Variants in CACNA2D1 observed in about 807,000 individuals in gnomAD.
CACNA2D1 encodes the protein voltage-dependent calcium channel subunit alpha-2/delta-1.
CACNA2D1 carries 53 observed loss-of-function variants against 171.5 expected under a neutral mutation model. The ratio of observed to expected loss-of-function variants is 0.31; its 90% confidence interval spans 0.25 to 0.39. CACNA2D1 has a LOEUF of 0.39. Ranked by LOEUF, CACNA2D1 falls within the 10% of genes least tolerant of loss-of-function variation. The pLI is 1.00. For synonymous variants in CACNA2D1, 442 were observed against 443.1 expected, an observed-to-expected ratio of 1.00 and a Z score of 0.03; for missense variants, 903 against 1,299.8, an observed-to-expected ratio of 0.69 and a Z score of 4.69.
At chr7:82,288,844 G>A (rs1166778202) in intron 3 of CACNA2D1, among the ~76,000 whole-genome samples, 4 of 152,162 alleles carry the variant, frequency 2.6e-5, no homozygotes, top group African/African-American at 9.7e-5. Context: ...GGAGTTCAGA[G>A]GAAACCTGCA....
At chr7:82,135,289 G>T (rs1467533730) in intron 5 of CACNA2D1, among the ~76,000 whole-genome samples, 1 of 151,960 alleles carries the variant, frequency 6.6e-6, no homozygotes, top group Non-Finnish European at 1.5e-5. Context: ...AAAATATCAA[G>T]TGCTAATTAT....
chr7:82,149,112 G>C (rs903106756), intron 4 of CACNA2D1, among the ~76,000 whole-genome samples: 1 of 152,094 alleles, frequency 6.6e-6, no homozygotes, highest in Non-Finnish European at 1.5e-5. Context: ...AGCATAGTGT[G>C]ATCACCTGCC....
intron 3 of CACNA2D1, among the ~76,000 whole-genome samples, chr7:82,192,172 A>G (rs1798363987): frequency 6.6e-6 from 1 of 151,734 alleles, no homozygotes; most frequent in Non-Finnish European, 1.5e-5. Context: ...TGAAAAAAAA[A>G]ACCTAAATAG....
rs568107538 is a variant in CACNA2D1 at position 81,964,174 on chromosome 7, T to G, written c.2727+33A>C. The stretch of plus-strand genomic sequence containing the variant: ...GATACTGAGGACACTTGAGTACCCC[T>G]TGAGAATTGATTAGACCGTGGATAT... On this transcript the variant is annotated intron_variant, in intron 33 of 38. Coordinates refer to ENST00000356860, the MANE Select transcript of CACNA2D1 (RefSeq NM_000722.4). 4 of 1,612,198 alleles carry G rather than the reference T, an allele frequency of 2.5e-6. No homozygotes were observed. The African/African-American group carries it at 4.0e-5, about 16-fold the overall frequency.
chr7:82,410,398 T>C (rs1038154652), intron 1 of CACNA2D1: 2 of 396,012 alleles, frequency 5.1e-6, no homozygotes, highest in Non-Finnish European at 6.9e-6. Context: ...TATTAAATAT[T>C]GTTTATCACT....
rs570264349 is a variant in CACNA2D1, at chr7:82,443,594, C to A, written c.-135G>T. ...TGGAGGGCTGGCTGCGCCCGGGGCC[C>A]GAGGCGCGGAGCCGCGCGGGGGACG... On this transcript the variant is annotated 5_prime_UTR_variant, in exon 1 of 39. Coordinates refer to ENST00000356860, the MANE Select transcript of CACNA2D1 (RefSeq NM_000722.4). 10 of 1,414,968 alleles carry A rather than the reference C, an allele frequency of 7.1e-6. No individual in the cohort carries two copies. Among genetic ancestry groups the A allele is most frequent in the Admixed American group, 6.1e-5 (2 of 32,600 alleles). The allele number at this position is 1,414,968 out of a possible 1,614,324, so 87.7% of individuals were successfully genotyped here.
At chr7:82,410,626 G>C (rs1405470805) in intron 1 of CACNA2D1, 4 of 530,578 alleles carry the variant, frequency 7.5e-6, no homozygotes, top group Non-Finnish European at 9.6e-6. Flanking sequence ...AAGAGAGAAG[G>C]CGAGTCTGAC....
intron 7 of CACNA2D1, among the ~76,000 whole-genome samples, chr7:82,067,998 T>C (rs1325446161): frequency 6.6e-6 from 1 of 152,130 alleles, no homozygotes; most frequent in Non-Finnish European, 1.5e-5. Flanking sequence ...ATGGCACAAT[T>C]TCAAGGTTTG....
At chr7:81,957,891 G>C (rs180740438) in intron 38 of CACNA2D1, among the ~76,000 whole-genome samples, 1 of 152,142 alleles carries the variant, frequency 6.6e-6, no homozygotes, top group East Asian at 1.9e-4. Flanking sequence ...AGGCTTTTAA[G>C]TCACTTTTCA....
chr7:81,967,467 A>C, intron 30 of CACNA2D1, 129 bp downstream of exon 30: 1 of 650,816 alleles, frequency 1.5e-6, no homozygotes, highest in South Asian at 1.9e-5. Flanking sequence ...AAAAAATAGG[A>C]ATTCAGAATT....
At position 82,060,337 on chromosome 7, in the gene CACNA2D1, C is replaced by T. The variant is rs573351539; in HGVS notation, c.879+91G>A. 2.2e-3 allele frequency: 1,836 copies of T among 820,920 alleles called. 27 individuals are homozygous for T. The African/African-American group carries it at 0.027, about 12-fold the overall frequency. 50.9% of individuals were successfully genotyped at this position (820,920 alleles called of 1,614,324 possible). On this transcript the variant is annotated intron_variant, in intron 10 of 38. Transcript: ENST00000356860. ...TGCAATATATCAAAAATGTCTCAGC[C>T]TCTATAAGATAAAAGTATAAAGTAC...
At chr7:81,989,510 C>T (rs942460631) in intron 21 of CACNA2D1, among the ~76,000 whole-genome samples, 6 of 152,036 alleles carry the variant, frequency 3.9e-5, no homozygotes, top group Admixed American at 2.0e-4. Flanking sequence ...ATCACCTGAG[C>T]GAAAATGATG....
intron 38 of CACNA2D1, among the ~76,000 whole-genome samples, chr7:81,955,259 C>T (rs1253091452): frequency 6.6e-6 from 1 of 152,020 alleles, no homozygotes. Context: ...ATTATACTAC[C>T]ATTCTACCTT....
chr7:82,047,997 T>G (rs1435441671), intron 10 of CACNA2D1, among the ~76,000 whole-genome samples: 3 of 152,114 alleles, frequency 2.0e-5, no homozygotes, highest in Non-Finnish European at 4.4e-5. Context: ...AGCATCCAGA[T>G]TCATGTAATG....
chr7:82,189,013 A>G (rs1490861671), intron 3 of CACNA2D1, among the ~76,000 whole-genome samples: 1 of 152,000 alleles, frequency 6.6e-6, no homozygotes, highest in Admixed American at 6.6e-5. Flanking sequence ...ACTGGGACCT[A>G]CTTGAGTGTA....
chr7:82,411,171 A>G (rs1827606153), intron 1 of CACNA2D1, among the ~76,000 whole-genome samples: 2 of 152,186 alleles, frequency 1.3e-5, no homozygotes, highest in Non-Finnish European at 2.9e-5. Context: ...CCCTCCAAGT[A>G]AGGCCATATT....
At chr7:82,106,986 G>C (rs754612130) in intron 6 of CACNA2D1, among the ~76,000 whole-genome samples, 3 of 152,098 alleles carry the variant, frequency 2.0e-5, no homozygotes, top group African/African-American at 7.2e-5. Flanking sequence ...CCTCCATGAG[G>C]CTTTCCTAAG....
intron 9 of CACNA2D1, 67 bp downstream of exon 9, chr7:82,064,237 A>T: frequency 1.8e-6 from 2 of 1,096,758 alleles, no homozygotes; most frequent in Non-Finnish European, 2.8e-6. Flanking sequence ...TAGTCCCACC[A>T]TACTACTGTT....
intron 4 of CACNA2D1, among the ~76,000 whole-genome samples, chr7:82,150,617 T>G (rs1793760033): frequency 6.6e-6 from 1 of 152,142 alleles, no homozygotes; most frequent in South Asian, 2.1e-4. Context: ...CAAACTAACC[T>G]AAATCAACCC....
Sources: allele counts gnomAD v4.1 joint callset (sites outside exome capture counted in the v4.1 genomes callset), GRCh38; gene constraint gnomAD v4.1.1; transcripts MANE v1.5; gene names NCBI Gene and HGNC (gene_info 2026-07-23, HGNC 2026-07-21).